The following STAU2 variants were observed in gnomAD, a reference collection of about 807,000 sequenced individuals.
STAU2 encodes the protein staufen double-stranded RNA binding protein 2.
In STAU2, 20 loss-of-function variants were observed where a neutral mutation model predicts 65.9. That is an observed-to-expected ratio of 0.30 (90% CI 0.21 to 0.44). The LOEUF (loss-of-function observed/expected upper bound fraction) is 0.44, where lower values mean the gene tolerates loss of function less well. Among genes scored for constraint, STAU2 ranks in the 20% least tolerant of loss-of-function variants. The pLI is 1.00. For synonymous variants in STAU2, 232 were observed against 233.9 expected, an observed-to-expected ratio of 0.99 and a Z score of 0.07; for missense variants, 558 against 683.9, an observed-to-expected ratio of 0.82 and a Z score of 2.05.
intron 6 of STAU2, among the ~76,000 whole-genome samples, chr8:73,636,398 C>T (rs1488250504): frequency 2.0e-5 from 3 of 151,638 alleles, no homozygotes. Context: ...CACACACATA[C>T]ACACACTTCA....
In STAU2 at chr8:73,555,603, TAA is replaced by T. The variant is rs112903195; in HGVS notation, c.1223-3286_1223-3285del. ...CACACAATAAAAAATAATGCAACAA[TAA>T]AAAAAAATACAAAATTTAAAACTAA... On this transcript the variant is annotated intron_variant, in intron 12 of 14. Coordinates refer to ENST00000524300, the MANE Select transcript of STAU2 (RefSeq NM_001164380.2). 1.0e-4 allele frequency among the ~76,000 whole-genome samples: 15 copies of T among 150,266 alleles called. No individual in the cohort carries two copies. In the South Asian group the frequency reaches 1.0e-3, roughly 11 times the overall value.
In STAU2 at chr8:73,552,207, G is replaced by A. The variant is rs1448294203; in HGVS notation, c.1335C>T (p.Asn445=). 1 of 1,613,986 alleles carries A rather than the reference G, an allele frequency of 6.2e-7. No homozygotes were observed. The highest frequency in any genetic ancestry group is 1.7e-5 in the Admixed American group (1 of 60,018). The stretch of plus-strand genomic sequence containing the variant: ...TACTGAAGAAAGAGCTTGAAGGTTG[G>A]TTCATATCTTTGGGTGACAAATAGC... ...TLGYLSPKDM[N]QPSSSFFSIS... is the part of the protein sequence containing the mutation. The change falls in exon 13 of 15, where the codon AAC becomes AAT. Residue 445 remains asparagine (N), a synonymous_variant. Transcript: ENST00000524300.
chr8:73,578,584 G>A (rs2128960549), intron 12 of STAU2, among the ~76,000 whole-genome samples: 1 of 152,304 alleles, frequency 6.6e-6, no homozygotes, highest in East Asian at 1.9e-4. Context: ...GGACAGCAAT[G>A]AGAATATGTA....
At chr8:73,664,035 A>AACTC (rs1323067381) in intron 6 of STAU2, among the ~76,000 whole-genome samples, 12 of 152,146 alleles carry the variant, frequency 7.9e-5, no homozygotes, top group African/African-American at 2.7e-4. Flanking sequence ...CACTTGATAG[A>AACTC]ACTCAAGTAT....
chr8:73,495,800 C>A (rs908478552), intron 13 of STAU2, among the ~76,000 whole-genome samples: 1 of 150,968 alleles, frequency 6.6e-6, no homozygotes, highest in Non-Finnish European at 1.5e-5. Flanking sequence ...TATTAATCTA[C>A]GGAAGCAACA....
chr8:73,595,495 G>A (rs577427796), intron 10 of STAU2, among the ~76,000 whole-genome samples, 198 bp from the exon 11 acceptor site: 13 of 151,992 alleles, frequency 8.6e-5, no homozygotes, highest in African/African-American at 2.7e-4. Context: ...TATCAATGGA[G>A]GATTATCTCA....
intron 13 of STAU2, among the ~76,000 whole-genome samples, chr8:73,462,236 C>T (rs941612065): frequency 9.2e-5 from 14 of 151,610 alleles, no homozygotes; most frequent in African/African-American, 2.4e-4. Flanking sequence ...CCTGCCACCA[C>T]GCCCAGCTAA....
intron 4 of STAU2, among the ~76,000 whole-genome samples, chr8:73,699,570 A>G (rs1429167933): frequency 6.6e-6 from 1 of 152,094 alleles, no homozygotes; most frequent in East Asian, 1.9e-4. Flanking sequence ...AAAATCTTGA[A>G]GAAACAGACA....
At chr8:73,481,600 T>A (rs1471184194) in intron 13 of STAU2, among the ~76,000 whole-genome samples, 8 of 151,864 alleles carry the variant, frequency 5.3e-5, no homozygotes, top group Admixed American at 5.2e-4. Flanking sequence ...CACATTTATA[T>A]AATGTTGCTC....
intron 12 of STAU2, among the ~76,000 whole-genome samples, chr8:73,571,244 A>C (rs919914944): frequency 2.6e-5 from 4 of 152,246 alleles, no homozygotes; most frequent in African/African-American, 9.6e-5. Context: ...AGATTCATAA[A>C]GCAAGACCTT....
chr8:73,502,858 T>C (rs1477918804), intron 13 of STAU2, among the ~76,000 whole-genome samples: 2 of 152,092 alleles, frequency 1.3e-5, no homozygotes, highest in East Asian at 1.9e-4. Context: ...TGGGCACATA[T>C]TGTCACACTG....
At chr8:73,620,850 T>C (rs1813173614) in intron 6 of STAU2, among the ~76,000 whole-genome samples, 1 of 152,198 alleles carries the variant, frequency 6.6e-6, no homozygotes, top group African/African-American at 2.4e-5. Flanking sequence ...ATACCTTATA[T>C]ATCACATCTC....
At chr8:73,441,962 T>G (rs1196821387) in intron 13 of STAU2, among the ~76,000 whole-genome samples, 1 of 152,198 alleles carries the variant, frequency 6.6e-6, no homozygotes, top group Non-Finnish European at 1.5e-5. Context: ...AAATGCAAAG[T>G]CACTGTAAAG....
At chr8:73,640,200 A>G (rs1387180408) in intron 6 of STAU2, among the ~76,000 whole-genome samples, 2 of 152,038 alleles carry the variant, frequency 1.3e-5, no homozygotes, top group African/African-American at 4.8e-5. Context: ...AATAATACAC[A>G]TCATATACTG....
At chr8:73,562,647 GA>G (rs1165924129) in intron 12 of STAU2, among the ~76,000 whole-genome samples, 1 of 152,210 alleles carries the variant, frequency 6.6e-6, no homozygotes, top group Non-Finnish European at 1.5e-5. Flanking sequence ...GCCTTAGGAT[GA>G]AAGAACTTAA....
At chr8:73,744,231 CATAA>C (rs942212837) in intron 1 of STAU2, among the ~76,000 whole-genome samples, 4 of 152,008 alleles carry the variant, frequency 2.6e-5, no homozygotes, top group Non-Finnish European at 4.4e-5. Context: ...ACGATGCACA[CATAA>C]ATAAAAATGA....
chr8:73,578,865 G>A (rs906157241), intron 12 of STAU2, among the ~76,000 whole-genome samples: 4 of 152,104 alleles, frequency 2.6e-5, no homozygotes, highest in Non-Finnish European at 5.9e-5. Context: ...TCTACTATGG[G>A]AACCCCAAAG....
chr8:73,615,208 G>C (rs1473636664), intron 8 of STAU2, among the ~76,000 whole-genome samples: 1 of 151,060 alleles, frequency 6.6e-6, no homozygotes, highest in Non-Finnish European at 1.5e-5. Context: ...TATTTATCTA[G>C]CTGTTAAGTC....
At chr8:73,735,137 C>T (rs1806343802) in intron 3 of STAU2, among the ~76,000 whole-genome samples, 1 of 152,102 alleles carries the variant, frequency 6.6e-6, no homozygotes, top group African/African-American at 2.4e-5. Context: ...TACTATGTTG[C>T]CCAAGCTGGT....
Sources: gnomAD v4.1 joint callset for allele counts (sites outside exome capture counted in the v4.1 genomes callset) on GRCh38, gnomAD v4.1.1 for gene constraint, MANE v1.5 for transcripts, NCBI Gene and HGNC (gene_info 2026-07-23, HGNC 2026-07-21) for gene names.